The following SPINK6 variants were observed in gnomAD, a reference collection of about 807,000 sequenced individuals.
The protein encoded by SPINK6 is serine protease inhibitor Kazal-type 6.
SPINK6 carries 13 observed loss-of-function variants against 11.7 expected under a neutral mutation model. The ratio of observed to expected loss-of-function variants is 1.11; its 90% CI spans 0.72 to 1.76. The LOEUF (loss-of-function observed/expected upper bound fraction) is 1.76, where lower values mean the gene tolerates loss of function less well. Ranked by LOEUF, SPINK6 falls within the 40% of genes most tolerant of loss-of-function variation. The pLI is 0.00. For missense variants in SPINK6, 98 were observed against 93.7 expected (o/e 1.05, Z -0.19); for synonymous variants, 21 against 31.9 (o/e 0.66, Z 1.15).
At chr5:148,210,704 A>G (rs1164434366) in intron 2 of SPINK6, among the ~76,000 whole-genome samples, 1 of 152,124 alleles carries the variant, frequency 6.6e-6, no homozygotes, top group Non-Finnish European at 1.5e-5. Context: ...ACGACCAGAG[A>G]ACCAACATAT....
chr5:148,213,854 G>C, intron 2 of SPINK6, 56 bp from the exon 3 acceptor site: 1 of 893,144 alleles, frequency 1.1e-6, no homozygotes, highest in Non-Finnish European at 1.9e-6. Flanking sequence ...CTTCTGTTCT[G>C]AAGGATGGTC....
chr5:148,214,283 C>T (rs895786743), intron 3 of SPINK6, among the ~76,000 whole-genome samples: 2 of 152,132 alleles, frequency 1.3e-5, no homozygotes. Context: ...TTTTCAAAAA[C>T]ATTCACACAT....
Position 148,213,964 on chromosome 5 carries a change from C to T in SPINK6, c.136C>T (p.Pro46Ser). Residue 46 changes from proline (P) to serine (S), a missense_variant, in exon 3 of 4, where the codon CCA becomes TCA. Physicochemically the swap from Pro to Ser is moderately conservative, Grantham distance 74 (BLOSUM62 -1). Transcript: ENST00000325630. ...GGTCTACTGCACTCGGGAATCTAAC[C>T]CACACTGTGGCTCTGATGGCCAGAC... ...PKVYCTRESN[P>S]HCGSDGQTYG... 1.2e-6 allele frequency: 2 copies of T among 1,613,882 alleles called. No individual in the cohort carries two copies. Among genetic ancestry groups the T allele is most frequent in the Non-Finnish European group, 1.7e-6 (2 of 1,179,794 alleles).
At chr5:148,209,991 T>TACACACGTACGTATATATGTATAC (rs1398978551) in intron 2 of SPINK6, among the ~76,000 whole-genome samples, 2 of 145,510 alleles carry the variant, frequency 1.4e-5, no homozygotes, top group Non-Finnish European at 3.0e-5. Flanking sequence ...TATGTATACA[T>TACACACGTACGTATATATGTATAC]ATACACGTAT....
chr5:148,214,975 C>T lies in SPINK6; in HGVS notation c.*25C>T. 6.2e-7 allele frequency: 1 copy of T among 1,612,442 alleles called. No individual in the cohort carries two copies. The highest frequency in any genetic ancestry group is 1.3e-5 in the African/African-American group (1 of 74,968). On this transcript the variant is annotated 3_prime_UTR_variant, in exon 4 of 4. Transcript: ENST00000325630. ...AGTTAAAGCCAATGTTTCTTGGTGACTTGCCAGCTTTTGCAGCCTTCTTTT... is the reference window on the plus strand; with the variant it reads ...AGTTAAAGCCAATGTTTCTTGGTGATTTGCCAGCTTTTGCAGCCTTCTTTT...
intron 2 of SPINK6, among the ~76,000 whole-genome samples, chr5:148,210,569 A>G (rs1755584772): frequency 6.6e-6 from 1 of 151,946 alleles, no homozygotes; most frequent in Admixed American, 6.6e-5. Flanking sequence ...GGGATTTTTC[A>G]GTACCATATG....
chr5:148,209,479 A>G (rs1238180558), intron 2 of SPINK6, among the ~76,000 whole-genome samples: 2 of 152,204 alleles, frequency 1.3e-5, no homozygotes. Context: ...TGATAAGTAT[A>G]TTAGTTTCAA....
chr5:148,210,509 T>C (rs957426627), intron 2 of SPINK6, among the ~76,000 whole-genome samples: 2 of 151,264 alleles, frequency 1.3e-5, no homozygotes, highest in African/African-American at 4.9e-5. Context: ...TATTTGACCA[T>C]TGAGAGTTAG....
intron 2 of SPINK6, among the ~76,000 whole-genome samples, chr5:148,209,959 T>TATACATACATACGTACATATGCATGC (rs1755549400): frequency 2.0e-5 from 3 of 151,358 alleles, no homozygotes; most frequent in African/African-American, 7.3e-5. Context: ...CATATATATG[T>TATACATACATACGTACATATGCATGC]ATACATACAT....
intron 2 of SPINK6, among the ~76,000 whole-genome samples, chr5:148,212,488 A>ATATATATATATAAAGTATATATTT (rs1755611858): frequency 4.5e-5 from 4 of 87,954 alleles, no homozygotes; most frequent in East Asian, 5.9e-4. Context: ...TTTTATATAT[A>ATATATATATATAAAGTATATATTT]TATATATATA....
chr5:148,210,272 G>A (rs185967330), intron 2 of SPINK6, among the ~76,000 whole-genome samples: 1 of 87,170 alleles, frequency 1.1e-5, no homozygotes, highest in Non-Finnish European at 2.3e-5. Flanking sequence ...ATATGTATGT[G>A]TTTCTGCATA....
chr5:148,204,650 A>G (rs1193772131), intron 1 of SPINK6, among the ~76,000 whole-genome samples: 1 of 151,962 alleles, frequency 6.6e-6, no homozygotes, highest in Non-Finnish European at 1.5e-5. Context: ...CTGTGTGGAG[A>G]ATTAAATGAG....
At chr5:148,213,265 G>A (rs975410388) in intron 2 of SPINK6, among the ~76,000 whole-genome samples, 1 of 152,032 alleles carries the variant, frequency 6.6e-6, no homozygotes, top group Admixed American at 6.6e-5. Context: ...AGGCTGGAGT[G>A]CGGTGGCGCG....
rs140165605 is a variant in SPINK6, at chr5:148,210,146, G to GTATGTATTTCTGCATGCA, written c.82-3689_82-3672dup. 1.3e-3 allele frequency among the ~76,000 whole-genome samples: 185 copies of GTATGTATTTCTGCATGCA among 137,088 alleles called. 2 individuals carry two copies. Among genetic ancestry groups the GTATGTATTTCTGCATGCA allele is most frequent in the African/African-American group, 5.0e-3 (161 of 31,982 alleles). 89.9% of individuals were successfully genotyped at this position (137,088 alleles called of 152,430 possible). A position where few individuals can be genotyped will look rare whatever the true frequency, so the allele number is the denominator to read the frequency against. ...TTTACATTTATTTCTGCATACATAT[G>GTATGTATTTCTGCATGCA]TATGTATTTCTGCATGCATATGTAT... On this transcript the variant is annotated intron_variant, in intron 2 of 3. Transcript: ENST00000325630.
At chr5:148,210,550 A>C (rs1376616399) in intron 2 of SPINK6, among the ~76,000 whole-genome samples, 1 of 151,740 alleles carries the variant, frequency 6.6e-6, no homozygotes, top group African/African-American at 2.4e-5. Flanking sequence ...AATCTATGAA[A>C]AATATTCTGG....
rs1561732192 is a variant in SPINK6 at position 148,209,997 on chromosome 5, C to CACGAACGTAT, written c.82-3913_82-3912insACGAACGTAT. ...GTACGTATGTATGTATACATATACACGTATGTATACATGTATGTACGCATG... is the reference window on the plus strand; with the variant it reads ...GTACGTATGTATGTATACATATACACACGAACGTATGTATGTATACATGTATGTACGCATG... On this transcript the variant is annotated intron_variant, in intron 2 of 3. Coordinates refer to ENST00000325630, the MANE Select transcript of SPINK6 (RefSeq NM_205841.4). Among the ~76,000 whole-genome samples, 2 of 145,892 alleles carry CACGAACGTAT rather than the reference C, an allele frequency of 1.4e-5. 1 individual carries two copies. Among genetic ancestry groups the CACGAACGTAT allele is most frequent in the Non-Finnish European group, 3.1e-5 (2 of 65,514 alleles).
At chr5:148,212,906 G>C (rs1755631475) in intron 2 of SPINK6, among the ~76,000 whole-genome samples, 1 of 142,982 alleles carries the variant, frequency 7.0e-6, no homozygotes, top group African/African-American at 2.6e-5. Flanking sequence ...ATATGCTTTA[G>C]AGATAAGAGT....
intron 2 of SPINK6, among the ~76,000 whole-genome samples, chr5:148,210,015 TACGC>T (rs1755559601): frequency 8.3e-5 from 1 of 12,112 alleles, no homozygotes; most frequent in African/African-American, 1.4e-4. Context: ...TACATGTATG[TACGC>T]ATGTACGCAT....
rs1755661955 is a variant in SPINK6 at position 148,214,932 on chromosome 5, G to T, written c.225G>T (p.Lys75Asn). Residue 75 changes from lysine (K) to asparagine (N), a missense_variant, in exon 4 of 4, where the codon AAG (lysine) becomes AAT (asparagine). Transcript: ENST00000325630. Reference sequence around the variant, plus strand: ...AAAGTGGTGGAAAGATTAGCCTAAAGCATCCTGGAAAATGCTGAGTTAAAG... The same window carrying T: ...AAAGTGGTGGAAAGATTAGCCTAAATCATCCTGGAAAATGCTGAGTTAAAG... ...IVKSGGKISL[K>N]HPGKC 1 of 1,613,640 alleles carries T rather than the reference G, an allele frequency of 6.2e-7. No individual in the cohort carries two copies. The highest frequency in any genetic ancestry group is 1.7e-5 in the Admixed American group (1 of 60,000).
Sources: gnomAD v4.1 joint callset for allele counts (sites outside exome capture counted in the v4.1 genomes callset) on GRCh38, gnomAD v4.1.1 for gene constraint, MANE v1.5 for transcripts, NCBI Gene and HGNC (gene_info 2026-07-23, HGNC 2026-07-21) for gene names.